The following GAD1 variants were observed in gnomAD, a reference collection of about 807,000 sequenced individuals.
GAD1 encodes the protein glutamate decarboxylase 1.
GAD1 carries 35 observed loss-of-function variants against 75.2 expected under a neutral mutation model. The observed-to-expected ratio is 0.47, with a 90% CI of 0.36 to 0.62. The LOEUF (loss-of-function observed/expected upper bound fraction) is 0.62, where lower values mean the gene tolerates loss of function less well. Ranked by LOEUF, GAD1 falls within the 20% of genes least tolerant of loss-of-function variation. The pLI is 0.00. For synonymous variants in GAD1, 257 were observed against 271.9 expected, an observed-to-expected ratio of 0.95 and a Z score of 0.54; for missense variants, 490 against 758.5, an observed-to-expected ratio of 0.65 and a Z score of 4.16.
At chr2:170,845,670 T>G (rs376291126) in intron 8 of GAD1, 36 bp from the exon 9 acceptor site, 4 of 1,613,276 alleles carry the variant, frequency 2.5e-6, no homozygotes, top group African/African-American at 2.7e-5. Context: ...TTAGGGGACT[T>G]TCCAACTTCT....
intron 9 of GAD1, 94 bp from the exon 10 acceptor site, chr2:170,845,915 C>T (rs1158289774): frequency 1.1e-5 from 16 of 1,461,148 alleles, no homozygotes; most frequent in African/African-American, 7.0e-5. Context: ...TGAAAATATC[C>T]GATTAAATTG....
At chr2:170,844,407 C>CT (rs11327360) in intron 7 of GAD1, among the ~76,000 whole-genome samples, 2,227 of 124,442 alleles carry the variant, frequency 0.018, 31 homozygotes, top group East Asian at 0.042. Flanking sequence ...TTTCTTTTTT[C>CT]TTTTTTTTTT....
intron 6 of GAD1, among the ~76,000 whole-genome samples, chr2:170,839,804 C>T (rs1490081459): frequency 6.6e-6 from 1 of 152,094 alleles, no homozygotes; most frequent in East Asian, 1.9e-4. Context: ...GCAGGTAGGG[C>T]CCGAGTGTAA....
At chr2:170,849,403 A>G in intron 12 of GAD1, 53 bp downstream of exon 12, 3 of 1,512,352 alleles carry the variant, frequency 2.0e-6, no homozygotes, top group Non-Finnish European at 2.8e-6. Context: ...CAAACAGACC[A>G]TGCTCTGATG....
At chr2:170,842,464 C>T (rs1702537381) in intron 6 of GAD1, 1 of 1,033,268 alleles carries the variant, frequency 9.7e-7, no homozygotes, top group African/African-American at 1.6e-5. Context: ...CCATTAATAA[C>T]ACATTTGTTC....
Position 170,845,561 on chromosome 2 carries a change from G to A in GAD1, c.807G>A (p.Pro269=), listed in dbSNP as rs34100397. The change falls in exon 8 of 17, where the codon CCG becomes CCA. Residue 269 remains proline, a synonymous_variant. Transcript: ENST00000358196. The part of the protein sequence containing the change: ...SIMAARYKYF[P]EVKTKGMAAV... ...TGGCTGCTCGCTACAAGTACTTCCC[G>A]GAAGTTAAGACAAAGGGCATGGCGG... is the stretch of plus-strand genomic sequence containing the variant. 4.9e-4 allele frequency: 785 copies of A among 1,614,058 alleles called. 4 individuals carry two copies. The highest frequency in any genetic ancestry group is 4.8e-3 in the Middle Eastern group (29 of 6,028).
intron 4 of GAD1, 108 bp from the exon 5 acceptor site, chr2:170,830,842 A>G: frequency 7.1e-7 from 1 of 1,399,324 alleles, no homozygotes; most frequent in Non-Finnish European, 1.0e-6. Context: ...CATATCCCAG[A>G]ATGAAATCAG....
chr2:170,817,203 T>C (rs1448739032), intron 1 of GAD1, 155 bp downstream of exon 1: 5 of 40,380 alleles, frequency 1.2e-4, no homozygotes, highest in Non-Finnish European at 1.6e-4. Context: ...GTCCCTGCTC[T>C]CCACGGGTGC....
chr2:170,857,132 A>G lies in GAD1; in HGVS notation c.1521+7A>G. ...GATGGTTTTCAATGGCGAGGTAGGT[A>G]ATCATCATGGACCAGGTACACAGTA... On this transcript the variant is annotated splice_region_variant and intron_variant, in intron 15 of 16. Transcript: ENST00000358196. 1.2e-6 allele frequency: 2 copies of G among 1,600,992 alleles called. No homozygotes were observed. Among genetic ancestry groups the G allele is most frequent in the Non-Finnish European group, 1.7e-6 (2 of 1,168,262 alleles).
In GAD1 at chr2:170,839,677, AT is replaced by A. The variant is rs200004009; in HGVS notation, c.638+2795del. Reference sequence around the variant, plus strand: ...CTGTTTCTGCACATAGCTGTGCAGTATATTCTTCTTCTAAGCAACGACCCAG... The same window carrying A: ...CTGTTTCTGCACATAGCTGTGCAGTAATTCTTCTTCTAAGCAACGACCCAG... On this transcript the variant is annotated intron_variant, in intron 6 of 16. Coordinates refer to ENST00000358196, the MANE Select transcript of GAD1 (RefSeq NM_000817.3). 9.5e-3 allele frequency among the ~76,000 whole-genome samples: 1,441 copies of A among 150,900 alleles called. 22 individuals carry two copies. The highest frequency in any genetic ancestry group is 0.033 in the African/African-American group (1,366 of 41,144).
In GAD1 at chr2:170,831,171, T is replaced by C. The variant is rs952060814; in HGVS notation, c.526T>C (p.Leu176=). Residue 176 remains leucine (L), a synonymous_variant, in exon 5 of 17, where the codon TTG becomes CTG. Transcript: ENST00000358196. Reference sequence around the variant, plus strand: ...GATCCTGGTTGACTGCAGAGACACCTTGAAGTATGGGGTTCGCACAGGTAA... The same window carrying C: ...GATCCTGGTTGACTGCAGAGACACCCTGAAGTATGGGGTTCGCACAGGTAA... The part of the protein sequence containing the change: ...EQILVDCRDT[L]KYGVRTGHPR... The C allele has an allele frequency of 1.2e-6, 2 of 1,614,092 alleles. No homozygotes were observed. The highest frequency in any genetic ancestry group is 1.1e-5 in the South Asian group (1 of 91,074).
At chr2:170,820,686 T>C (rs2105754385) in intron 2 of GAD1, among the ~76,000 whole-genome samples, 1 of 152,332 alleles carries the variant, frequency 6.6e-6, no homozygotes, top group Non-Finnish European at 1.5e-5. Context: ...GCTCTCTCGC[T>C]TGCTCTCCCC....
rs537414863 is a variant in GAD1, at chr2:170,855,371, T to G, written c.1413+1349T>G. Among the ~76,000 whole-genome samples the G allele has an allele frequency of 7.2e-5, 11 of 151,846 alleles. No individual in the cohort carries two copies. The South Asian group carries it at 1.5e-3, about 20-fold the overall frequency. ...TTACAGGCATGCGCCACCATGCCCA[T>G]CTAATTTTATATTTTTACTAGAGGC... On this transcript the variant is annotated intron_variant, in intron 14 of 16. Coordinates refer to ENST00000358196, the MANE Select transcript of GAD1 (RefSeq NM_000817.3).
chr2:170,826,285 G>C (rs1702023466), intron 3 of GAD1, among the ~76,000 whole-genome samples: 1 of 152,066 alleles, frequency 6.6e-6, no homozygotes, highest in African/African-American at 2.4e-5. Flanking sequence ...CGTGTCGTAG[G>C]GCCGGGCGCA....
Position 170,829,539 on chromosome 2 carries a change from G to A in GAD1, c.210G>A (p.Arg70=), listed in dbSNP as rs1702166737. The A allele has an allele frequency of 2.5e-6, 4 of 1,612,732 alleles. No individual in the cohort carries two copies. The highest frequency in any genetic ancestry group is 3.4e-6 in the Non-Finnish European group (4 of 1,179,584). The part of the protein sequence containing the change: ...KSRLVSAFKE[R]QSSKNLLSCE... Reference sequence around the variant, plus strand: ...GCCTTGTGAGTGCCTTCAAGGAGAGGCAATCCTCCAAGAACCTGCTTTCCT... The same window carrying A: ...GCCTTGTGAGTGCCTTCAAGGAGAGACAATCCTCCAAGAACCTGCTTTCCT... Residue 70 remains arginine, a synonymous_variant, in exon 4 of 17, where the codon AGG becomes AGA. Coordinates refer to ENST00000358196, the MANE Select transcript of GAD1 (RefSeq NM_000817.3).
chr2:170,820,574 G>T (rs950121286), intron 2 of GAD1, among the ~76,000 whole-genome samples: 29 of 152,224 alleles, frequency 1.9e-4, no homozygotes, highest in Admixed American at 1.0e-3. Context: ...GTTAGTGCAG[G>T]CAACCTAAGG....
At chr2:170,843,047 G>A (rs554766159) in intron 6 of GAD1, among the ~76,000 whole-genome samples, 2 of 152,292 alleles carry the variant, frequency 1.3e-5, no homozygotes, top group South Asian at 4.1e-4. Flanking sequence ...TCTGAGCCCA[G>A]CCTACAGACT....
intron 6 of GAD1, among the ~76,000 whole-genome samples, chr2:170,840,586 C>T (rs1005930156): frequency 3.7e-5 from 5 of 136,110 alleles, no homozygotes; most frequent in Non-Finnish European, 4.7e-5. Flanking sequence ...GCCATCACTC[C>T]GGTGTTCCAG....
At chr2:170,813,581 C>G (rs1701647357), upstream of GAD1, among the ~76,000 whole-genome samples, 1 of 152,348 alleles carries the variant, frequency 6.6e-6, no homozygotes, top group South Asian at 2.1e-4. Flanking sequence ...CGTGTCCTGT[C>G]TACTCACCTT....
Sources: allele counts gnomAD v4.1 joint callset (sites outside exome capture counted in the v4.1 genomes callset), GRCh38; gene constraint gnomAD v4.1.1; transcripts MANE v1.5; gene names NCBI Gene and HGNC (gene_info 2026-07-23, HGNC 2026-07-21).